The following CCNJL variants were observed in gnomAD, a reference collection of about 807,000 sequenced individuals.
CCNJL encodes the protein cyclin J like.
A neutral mutation model predicts 33.4 loss-of-function variants in CCNJL; 33 were observed. That is an observed-to-expected ratio of 0.99 (90% confidence interval 0.75 to 1.32). The LOEUF (loss-of-function observed/expected upper bound fraction) is 1.32, where lower values mean the gene tolerates loss of function less well. CCNJL is among the 40% of genes most tolerant of loss of function. The pLI is 0.00. For synonymous variants in CCNJL, 227 were observed against 220.9 expected (o/e 1.03, Z -0.24); for missense variants, 512 against 499.7 (o/e 1.02, Z -0.23).
intron 1 of CCNJL, among the ~76,000 whole-genome samples, chr5:160,330,213 C>A (rs1763588339): frequency 6.6e-6 from 1 of 152,162 alleles, no homozygotes; most frequent in Non-Finnish European, 1.5e-5. Flanking sequence ...TACTCTCATT[C>A]CTGGGCTGCA....
chr5:160,274,920 T>C (rs1761958703), intron 3 of CCNJL: 1 of 152,148 alleles, frequency 6.6e-6, no homozygotes, highest in African/African-American at 2.4e-5. Context: ...TGCCATTAGA[T>C]GGGGAAGAAA....
intron 2 of CCNJL, among the ~76,000 whole-genome samples, chr5:160,282,955 C>G (rs1762261234): frequency 9.8e-6 from 1 of 101,688 alleles, no homozygotes; most frequent in African/African-American, 3.5e-5. Context: ...CCCAGCCATT[C>G]CAGTCCTTGG....
At chr5:160,266,065 G>T (rs939698860) in intron 3 of CCNJL, among the ~76,000 whole-genome samples, 5 of 152,224 alleles carry the variant, frequency 3.3e-5, no homozygotes, top group Non-Finnish European at 5.9e-5. Flanking sequence ...AGGTGCTGAT[G>T]ATAAAGGAAA....
At chr5:160,277,643 C>T (rs998779977) in intron 3 of CCNJL, among the ~76,000 whole-genome samples, 2 of 152,136 alleles carry the variant, frequency 1.3e-5, no homozygotes, top group African/African-American at 4.8e-5. Flanking sequence ...TCTGCCTCCT[C>T]CTGTGGCCCG....
At chr5:160,310,090 G>A (rs1763214587) in intron 2 of CCNJL, among the ~76,000 whole-genome samples, 1 of 152,110 alleles carries the variant, frequency 6.6e-6, no homozygotes. Context: ...CTCTAGAAAG[G>A]GGCAAATCAG....
intron 2 of CCNJL, among the ~76,000 whole-genome samples, chr5:160,299,586 G>C (rs887463206): frequency 5.9e-5 from 9 of 151,314 alleles, no homozygotes; most frequent in Non-Finnish European, 1.0e-4. Context: ...ATTATTTTAG[G>C]TGTGAAAATG....
chr5:160,292,826 T>C (rs185143592), intron 2 of CCNJL, among the ~76,000 whole-genome samples: 1 of 152,306 alleles, frequency 6.6e-6, no homozygotes, highest in Non-Finnish European at 1.5e-5. Flanking sequence ...GCTTCAAAAA[T>C]TATAAACTAT....
chr5:160,300,900 T>C (rs1762900012), intron 2 of CCNJL, among the ~76,000 whole-genome samples: 1 of 152,174 alleles, frequency 6.6e-6, no homozygotes, highest in South Asian at 2.1e-4. Flanking sequence ...TTAAGGGTAA[T>C]ATCCAGGGTT....
chr5:160,334,182 T>C lies in CCNJL; in HGVS notation n.206+5263A>G, dbSNP rs142980259. ...ATTGGGTCCTCCATCCATTGATCCC[T>C]CCACCTTTTCACTGCCTCGCCCACC... On this transcript the variant is annotated intron_variant and non_coding_transcript_variant, in intron 1 of 7. Transcript: ENST00000377503. Among the ~76,000 whole-genome samples, 360 of 152,258 alleles carry C rather than the reference T, an allele frequency of 2.4e-3. 1 individual carries two copies. Among genetic ancestry groups the C allele is most frequent in the African/African-American group, 7.5e-3 (313 of 41,548 alleles).
Position 160,256,116 on chromosome 5 carries a change from T to C in CCNJL, c.584-408A>G, listed in dbSNP as rs573937173. ...GTAATTCAGGCTGGTATCGAACTCC[T>C]GAGCTCAAGCAATCCTCCTGCCTCA... On this transcript the variant is annotated intron_variant, in intron 4 of 5. Coordinates refer to ENST00000257536, the MANE Select transcript of CCNJL (RefSeq NM_001308173.3). Among the ~76,000 whole-genome samples, 33 of 152,302 alleles carry C rather than the reference T, an allele frequency of 2.2e-4. No homozygotes were observed. The East Asian group carries it at 4.1e-3, about 19-fold the overall frequency.
At chr5:160,274,553 G>A in intron 3 of CCNJL, among the ~76,000 whole-genome samples, 1 of 152,176 alleles carries the variant, frequency 6.6e-6, no homozygotes. Context: ...ACCCTGCTCT[G>A]CAGGAGGACC....
intron 1 of CCNJL, among the ~76,000 whole-genome samples, chr5:160,325,574 G>A (rs1763524839): frequency 6.6e-6 from 1 of 152,106 alleles, no homozygotes; most frequent in Non-Finnish European, 1.5e-5. Flanking sequence ...AGGGGAATTT[G>A]TCACTCTTTT....
At chr5:160,273,327 G>A (rs1580970232) in intron 3 of CCNJL, among the ~76,000 whole-genome samples, 1 of 152,244 alleles carries the variant, frequency 6.6e-6, no homozygotes, top group Middle Eastern at 3.4e-3. Flanking sequence ...TATAACTTCT[G>A]CCTGAACACA....
chr5:160,302,806 T>C (rs1286481935), intron 2 of CCNJL, among the ~76,000 whole-genome samples: 1 of 144,740 alleles, frequency 6.9e-6, no homozygotes, highest in African/African-American at 2.5e-5. Context: ...AGTGAGACTC[T>C]GTCTCAATAA....
At chr5:160,297,665 A>C (rs1030592139) in intron 2 of CCNJL, among the ~76,000 whole-genome samples, 6 of 152,176 alleles carry the variant, frequency 3.9e-5, no homozygotes, top group Admixed American at 1.3e-4. Context: ...AAAAAAAAAA[A>C]AAAAAAACAA....
rs1462677634 is a variant in CCNJL at position 160,249,771 on chromosome 5, A to C, written c.*3607T>G. 2 of 90,666 alleles carry C rather than the reference A, an allele frequency of 2.2e-5. No individual in the cohort carries two copies. Among genetic ancestry groups the C allele is most frequent in the African/African-American group, 6.4e-5 (1 of 15,574 alleles). The allele number at this position is 90,666 out of a possible 1,614,324, so 5.6% of individuals were successfully genotyped here. On this transcript the variant is annotated 3_prime_UTR_variant, in exon 6 of 6. Transcript: ENST00000257536. ...GAGTGAGACCCTGTTTCAAAAAATA[A>C]ATAAATAAATAAATAAATAAATAAA...
intron 2 of CCNJL, among the ~76,000 whole-genome samples, chr5:160,290,134 G>C (rs1050497459): frequency 9.9e-5 from 15 of 152,218 alleles, no homozygotes; most frequent in African/African-American, 3.4e-4. Context: ...AGGGGAGGAA[G>C]TGAAGTCCTC....
chr5:160,326,819 G>A (rs569775721), intron 1 of CCNJL: 42 of 812,030 alleles, frequency 5.2e-5, no homozygotes, highest in African/African-American at 4.1e-4. Flanking sequence ...GTGAATATGC[G>A]GATAGAAGGC....
At chr5:160,326,869 G>C (rs1763543335) in intron 1 of CCNJL, 1 of 691,882 alleles carries the variant, frequency 1.4e-6, no homozygotes, top group Non-Finnish European at 2.8e-6. Flanking sequence ...CCTTGTATTA[G>C]ATGATACAGA....
Sources: allele counts gnomAD v4.1 joint callset (sites outside exome capture counted in the v4.1 genomes callset), GRCh38; gene constraint gnomAD v4.1.1; transcripts MANE v1.5; gene names NCBI Gene and HGNC (gene_info 2026-07-23, HGNC 2026-07-21).